TCEAL2: variants seen among roughly 807,000 people sequenced by gnomAD.
The protein encoded by TCEAL2 is transcription elongation factor A like 2.
For missense variants in TCEAL2, 169 were observed against 166.6 expected, an observed-to-expected ratio of 1.01 and a Z score of -0.08; for synonymous variants, 65 against 57.9, an observed-to-expected ratio of 1.12 and a Z score of -0.55.
Position 102,127,305 on chromosome X carries a change from G to A in TCEAL2, c.475G>A (p.Asp159Asn). Residue 159 changes from aspartate (D) to asparagine (N), a missense_variant, in exon 3 of 3, where the codon GAT (aspartate) becomes AAT (asparagine). Coordinates refer to ENST00000372780, the MANE Select transcript of TCEAL2 (RefSeq NM_080390.4). ...CAAGCAATATAAGGAAGCCATACAT[G>A]ATATGAATTTCAGCAATGAGGACAT... ...YLKQYKEAIH[D>N]MNFSNEDMIR... 1 of 1,211,529 alleles carries A rather than the reference G, an allele frequency of 8.3e-7. No individual in the cohort carries two copies. The highest frequency in any genetic ancestry group is 1.1e-6 in the Non-Finnish European group (1 of 895,468).
chrX:102,126,403 A>C lies in TCEAL2; in HGVS notation c.-70A>C, dbSNP rs1471830982. The C allele has an allele frequency of 3.6e-6, 4 of 1,104,155 alleles. No individual in the cohort carries two copies. Among genetic ancestry groups the C allele is most frequent in the Non-Finnish European group, 4.9e-6 (4 of 819,213 alleles). The allele number at this position is 1,104,155 out of a possible 1,213,427, so 91.0% of individuals were successfully genotyped here. Reference sequence around the variant, plus strand: ...CGCGTCTGTTGTTCCCAGCGCTCTGAGAGGCCTGAAAAGGAAGAGCAACCT... The same window carrying C: ...CGCGTCTGTTGTTCCCAGCGCTCTGCGAGGCCTGAAAAGGAAGAGCAACCT... On this transcript the variant is annotated 5_prime_UTR_variant, in exon 2 of 3. Transcript: ENST00000372780.
rs186674156 is a variant in TCEAL2, at chrX:102,127,472, C to T, written c.642C>T (p.Cys214=). 9.3e-6 allele frequency: 11 copies of T among 1,187,890 alleles called. No individual in the cohort carries two copies. The African/African-American group carries it at 1.6e-4, about 17-fold the overall frequency. ...PRGPREFRGG[C]RAPRRDTEDI... ...GTCCAAGGGAATTCAGGGGTGGCTGCAGGGCCCCACGAAGGGACACTGAAG... is the reference window on the plus strand; with the variant it reads ...GTCCAAGGGAATTCAGGGGTGGCTGTAGGGCCCCACGAAGGGACACTGAAG... The change falls in exon 3 of 3, where the codon TGC becomes TGT. Residue 214 remains cysteine, a synonymous_variant. Transcript: ENST00000372780.
At chrX:102,125,966 A>G (rs1476516488) in intron 1 of TCEAL2, 160 bp downstream of exon 1, 2 of 111,759 alleles carry the variant, frequency 1.8e-5, no homozygotes, top group African/African-American at 6.6e-5. Flanking sequence ...CCCCCGAAGC[A>G]AGCCTGGCTC....
In TCEAL2 at chrX:102,127,533, G is replaced by T. The variant is rs191164153; in HGVS notation, c.*19G>T. The T allele has an allele frequency of 4.3e-6, 5 of 1,151,816 alleles. No individual in the cohort carries two copies. In the East Asian group the frequency reaches 1.5e-4, roughly 34 times the overall value. 94.9% of individuals were successfully genotyped at this position (1,151,816 alleles called of 1,213,427 possible). A position where few individuals can be genotyped will look rare whatever the true frequency, so the allele number is the denominator to read the frequency against. On this transcript the variant is annotated 3_prime_UTR_variant, in exon 3 of 3. Transcript: ENST00000372780. The stretch of plus-strand genomic sequence containing the variant: ...TGTGTAGTGTCCCTGGCAGGCATTT[G>T]TCAGGCCATATGTTTTAACCTTATG...
intron 2 of TCEAL2, 85 bp downstream of exon 2, chrX:102,126,530 C>T: frequency 3.1e-6 from 2 of 651,792 alleles, no homozygotes; most frequent in Middle Eastern, 4.9e-4. Flanking sequence ...ATTGGGGCCC[C>T]TGCCCATCCC....
Position 102,126,973 on chromosome X carries a change from A to G in TCEAL2, c.143A>G (p.Glu48Gly), listed in dbSNP as rs763138627. 1.3e-5 allele frequency: 16 copies of G among 1,210,458 alleles called. No individual in the cohort carries two copies. In the South Asian group the frequency reaches 1.8e-4, roughly 13 times the overall value. ...DKKLENEGNTENTGKRVEEPL... is the reference protein window; with the variant it reads ...DKKLENEGNTGNTGKRVEEPL... ...AAGTTAGAAAACGAGGGAAACACAG[A>G]AAACACGGGCAAGAGAGTTGAGGAA... The change falls in exon 3 of 3, where the codon GAA becomes GGA. Residue 48 changes from glutamate to glycine, a missense_variant. Coordinates refer to ENST00000372780, the MANE Select transcript of TCEAL2 (RefSeq NM_080390.4).
chrX:102,126,633 G>A (rs896444511), intron 2 of TCEAL2, among the ~76,000 whole-genome samples, 171 bp from the exon 3 acceptor site: 2 of 112,883 alleles, frequency 1.8e-5, no homozygotes, highest in Non-Finnish European at 3.8e-5. Flanking sequence ...GTGTGTGGGA[G>A]GAGTGGTGGG....
rs1932899475 is a variant in TCEAL2 at position 102,127,045 on chromosome X, G to A, written c.215G>A (p.Gly72Glu). Residue 72 changes from glycine (G) to glutamate (E), a missense_variant, in exon 3 of 3, where the codon GGA (glycine) becomes GAA (glutamate). Coordinates refer to ENST00000372780, the MANE Select transcript of TCEAL2 (RefSeq NM_080390.4). ...EKPESAGKAK[G>E]EGKSERKGKS... ...CCAGAGAGTGCGGGAAAGGCAAAAG[G>A]AGAAGGAAAGTCAGAGAGGAAGGGA... The A allele has an allele frequency of 2.5e-6, 3 of 1,199,363 alleles. No individual in the cohort carries two copies. In the Admixed American group the frequency reaches 6.8e-5, roughly 27 times the overall value.
chrX:102,127,396 G>A lies in TCEAL2; in HGVS notation c.566G>A (p.Gly189Glu), dbSNP rs1392331589. Residue 189 changes from glycine to glutamate, a missense_variant, in exon 3 of 3, where the codon GGG (glycine) becomes GAG (glutamate). Gly to Glu is a moderately conservative substitution (Grantham distance 98). Coordinates refer to ENST00000372780, the MANE Select transcript of TCEAL2 (RefSeq NM_080390.4). Reference protein sequence around the residue: ...DKRRKSKQKLGAFLWMQRNLQ... With the variant: ...DKRRKSKQKLEAFLWMQRNLQ... ...AGGAGAAAAAGCAAACAGAAATTGG[G>A]GGCGTTTTTGTGGATGCAAAGAAAT... 1.7e-6 allele frequency: 2 copies of A among 1,209,168 alleles called. No individual in the cohort carries two copies. Among genetic ancestry groups the A allele is most frequent in the Non-Finnish European group, 2.2e-6 (2 of 895,036 alleles).
rs762704346 is a variant in TCEAL2, at chrX:102,127,157, A to G, written c.327A>G (p.Glu109=). The G allele has an allele frequency of 1.6e-4, 196 of 1,207,666 alleles. No individual in the cohort carries two copies. Among genetic ancestry groups the G allele is most frequent in the Non-Finnish European group, 1.7e-4 (150 of 894,033 alleles). The change falls in exon 3 of 3, where the codon GAA becomes GAG. Residue 109 remains glutamate (E), a synonymous_variant. Coordinates refer to ENST00000372780, the MANE Select transcript of TCEAL2 (RefSeq NM_080390.4). ...AGGGTGAAGGAGAGCCAGACAGTGAAAGAGAGCCAGAGAGTGAGGGAGAGC... is the reference window on the plus strand; with the variant it reads ...AGGGTGAAGGAGAGCCAGACAGTGAGAGAGAGCCAGAGAGTGAGGGAGAGC... ...RAEGEGEPDS[E]REPESEGEPE...
In TCEAL2 at chrX:102,126,508, A is replaced by C. The variant is rs771656071; in HGVS notation, c.-28+63A>C. On this transcript the variant is annotated intron_variant, in intron 2 of 2. Coordinates refer to ENST00000372780, the MANE Select transcript of TCEAL2 (RefSeq NM_080390.4). ...CAAGGGTTGAGAGTGTGGAGGGCAC[A>C]GTCAGGGCCGAATTGGGGCCCCTGC... 16 of 807,881 alleles carry C rather than the reference A, an allele frequency of 2.0e-5. No homozygotes were observed. In the South Asian group the frequency reaches 3.8e-4, roughly 19 times the overall value. 66.6% of individuals were successfully genotyped at this position (807,881 alleles called of 1,213,427 possible).
rs779421845 is a variant in TCEAL2 at position 102,127,357 on chromosome X, G to A, written c.527G>A (p.Arg176Lys). The A allele has an allele frequency of 2.8e-5, 34 of 1,209,384 alleles. No homozygotes were observed. The highest frequency in any genetic ancestry group is 3.0e-5 in the Non-Finnish European group (27 of 895,087). The change falls in exon 3 of 3, where the codon AGG (arginine) becomes AAG (lysine). Residue 176 changes from arginine (R) to lysine (K), a missense_variant. Transcript: ENST00000372780. ...DMIREFDNMARVEDKRRKSKQ... is the reference protein window; with the variant it reads ...DMIREFDNMAKVEDKRRKSKQ... ...ATAAGAGAATTTGACAACATGGCTA[G>A]GGTGGAGGATAAAAGGAGAAAAAGC...
At chrX:102,126,339 G>A (rs141113180) in intron 1 of TCEAL2, 34 bp from the exon 2 acceptor site, 2 of 986,840 alleles carry the variant, frequency 2.0e-6, no homozygotes, top group Admixed American at 2.8e-5. Flanking sequence ...CGCTAAGCGC[G>A]CAGCCCCTGC....
At position 102,126,943 on chromosome X, in the gene TCEAL2, A is replaced by G. The variant is rs1932898573; in HGVS notation, c.113A>G (p.Asp38Gly). 1 of 1,212,249 alleles carries G rather than the reference A, an allele frequency of 8.2e-7. No individual in the cohort carries two copies. Among genetic ancestry groups the G allele is most frequent in the East Asian group, 3.0e-5 (1 of 33,859 alleles). The part of the protein sequence containing the change: ...GKPEVACILE[D>G]KKLENEGNTE... ...CCAGAAGTAGCTTGTATTCTGGAAGACAAGAAGTTAGAAAACGAGGGAAAC... is the reference window on the plus strand; with the variant it reads ...CCAGAAGTAGCTTGTATTCTGGAAGGCAAGAAGTTAGAAAACGAGGGAAAC... The change falls in exon 3 of 3, where the codon GAC (aspartate) becomes GGC (glycine). Residue 38 changes from aspartate to glycine, a missense_variant. Asp to Gly is a moderately conservative substitution (Grantham distance 94, BLOSUM62 -1). Transcript: ENST00000372780.
chrX:102,126,945 A>G lies in TCEAL2; in HGVS notation c.115A>G (p.Lys39Glu). The part of the protein sequence containing the change: ...KPEVACILED[K>E]KLENEGNTEN... ...AGAAGTAGCTTGTATTCTGGAAGAC[A>G]AGAAGTTAGAAAACGAGGGAAACAC... Residue 39 changes from lysine to glutamate, a missense_variant, in exon 3 of 3, where the codon AAG becomes GAG. Lys to Glu is a moderately conservative substitution (Grantham distance 56). Transcript: ENST00000372780. The G allele has an allele frequency of 1.6e-6, 2 of 1,212,203 alleles. No individual in the cohort carries two copies. Among genetic ancestry groups the G allele is most frequent in the African/African-American group, 3.5e-5 (2 of 57,914 alleles).
chrX:102,126,277 G>C lies in TCEAL2; in HGVS notation c.-100-96G>C, dbSNP rs183060087. The C allele has an allele frequency of 1.3e-3, 892 of 685,876 alleles. 9 individuals are homozygous for C. The African/African-American group carries it at 0.016, about 12-fold the overall frequency. 56.5% of individuals were successfully genotyped at this position (685,876 alleles called of 1,213,427 possible). ...TGCGGGGGAGGTAGGGGAGGAAAAC[G>C]GTGGGTAAGCAGGGCCTGGACTCAG... On this transcript the variant is annotated intron_variant, in intron 1 of 2. Transcript: ENST00000372780.
intron 1 of TCEAL2, 160 bp from the exon 2 acceptor site, chrX:102,126,213 G>A: frequency 1.8e-6 from 1 of 564,621 alleles, no homozygotes; most frequent in Admixed American, 4.2e-5. Flanking sequence ...AAGCATCCTG[G>A]TTTGGTGCCC....
At chrX:102,126,231 G>A in intron 1 of TCEAL2, 142 bp from the exon 2 acceptor site, 2 of 644,482 alleles carry the variant, frequency 3.1e-6, no homozygotes, top group Non-Finnish European at 4.4e-6. Flanking sequence ...CCCGAGGCCT[G>A]GAAAGAAATG....
rs1305487608 is a variant in TCEAL2, at chrX:102,126,820, G to T, written c.-11G>T. 8.3e-7 allele frequency: 1 copy of T among 1,198,242 alleles called. No individual in the cohort carries two copies. Among genetic ancestry groups the T allele is most frequent in the African/African-American group, 1.8e-5 (1 of 56,459 alleles). On this transcript the variant is annotated 5_prime_UTR_variant, in exon 3 of 3. Transcript: ENST00000372780. The stretch of plus-strand genomic sequence containing the variant: ...ATCCCCCAGGAAAGGAAAAGGAGGG[G>T]AAATCTCGACATGGAAAAACTCTTC...
Sources: allele counts gnomAD v4.1 joint callset (sites outside exome capture counted in the v4.1 genomes callset), GRCh38; gene constraint gnomAD v4.1.1; transcripts MANE v1.5; gene names NCBI Gene and HGNC (gene_info 2026-07-23, HGNC 2026-07-21).